The following CHRNA7 variants were observed in gnomAD, a reference collection of about 807,000 sequenced individuals.
CHRNA7 encodes cholinergic receptor nicotinic alpha 7 subunit.
A neutral mutation model predicts 48.0 loss-of-function variants in CHRNA7; 17 were observed. The ratio of observed to expected loss-of-function variants is 0.35; its 90% CI spans 0.24 to 0.53. CHRNA7 has a LOEUF of 0.53. Ranked by LOEUF, CHRNA7 falls within the 20% of genes least tolerant of loss-of-function variation. The pLI is 0.92. For missense variants in CHRNA7, 155 were observed against 577.7 expected (o/e 0.27, Z 7.50); for synonymous variants, 75 against 242.3 (o/e 0.31, Z 6.41).
At chr15:32,037,869 A>C (rs1902167957) in intron 2 of CHRNA7, among the ~76,000 whole-genome samples, 1 of 151,244 alleles carries the variant, frequency 6.6e-6, no homozygotes. Context: ...AGACAGCTTT[A>C]TTTCTTTTTT....
chr15:32,150,595 TA>T (rs983713514), intron 4 of CHRNA7, among the ~76,000 whole-genome samples: 1 of 152,200 alleles, frequency 6.6e-6, no homozygotes, highest in African/African-American at 2.4e-5. Context: ...ACAGGACACA[TA>T]AATTAACACA....
intron 2 of CHRNA7, among the ~76,000 whole-genome samples, chr15:32,081,427 C>G (rs1414087639): frequency 6.6e-6 from 1 of 151,718 alleles, no homozygotes; most frequent in South Asian, 2.1e-4. Flanking sequence ...TATATTTTAC[C>G]TGCTTTCCTA....
chr15:32,048,835 C>A (rs1306540227), intron 2 of CHRNA7, among the ~76,000 whole-genome samples: 1 of 151,672 alleles, frequency 6.6e-6, no homozygotes, highest in Admixed American at 6.6e-5. Context: ...GTAGACACTG[C>A]TTTGAATGCA....
At chr15:32,095,984 T>C (rs887426220) in intron 2 of CHRNA7, among the ~76,000 whole-genome samples, 1 of 152,220 alleles carries the variant, frequency 6.6e-6, no homozygotes, top group African/African-American at 2.4e-5. Context: ...AGGAGCTTGT[T>C]TGTTTCATAA....
intron 2 of CHRNA7, among the ~76,000 whole-genome samples, chr15:32,076,505 G>A (rs547402693): frequency 1.2e-3 from 179 of 152,134 alleles, no homozygotes; most frequent in African/African-American, 4.3e-3. Context: ...TTTACATGCT[G>A]TATTTTGTTC....
chr15:32,030,635 C>T lies in CHRNA7; in HGVS notation c.41C>T (p.Ala14Val), dbSNP rs1454906241. The T allele has an allele frequency of 1.3e-6, 2 of 1,572,436 alleles. No individual in the cohort carries two copies. Among genetic ancestry groups the T allele is most frequent in the Non-Finnish European group, 1.7e-6 (2 of 1,164,550 alleles). The change falls in exon 1 of 10, where the codon GCG (alanine) becomes GTG (valine). Residue 14 changes from alanine to valine, a missense_variant. Transcript: ENST00000306901. ...SPGGVWLALAASLLHVSLQGE... is the reference protein window; with the variant it reads ...SPGGVWLALAVSLLHVSLQGE... Reference sequence around the variant, plus strand: ...GGAGGCGTCTGGCTGGCGCTGGCCGCGTCGCTCCTGCACGGTAAAGCCACT... The same window carrying T: ...GGAGGCGTCTGGCTGGCGCTGGCCGTGTCGCTCCTGCACGGTAAAGCCACT...
chr15:32,162,002 G>A (rs896324302), intron 8 of CHRNA7: 1 of 116,432 alleles, frequency 8.6e-6, no homozygotes, highest in Admixed American at 8.8e-5. Flanking sequence ...GTAAACTCAG[G>A]GAAACATTTT....
chr15:32,119,201 G>T (rs567982472), intron 4 of CHRNA7, among the ~76,000 whole-genome samples: 8 of 152,132 alleles, frequency 5.3e-5, no homozygotes, highest in Admixed American at 6.5e-5. Context: ...GTGTTTTGCT[G>T]GTGGACCAAT....
chr15:32,089,726 CTGT>C (rs1300676470), intron 2 of CHRNA7, among the ~76,000 whole-genome samples: 3 of 152,258 alleles, frequency 2.0e-5, no homozygotes, highest in South Asian at 2.1e-4. Context: ...TCTCTGCAGA[CTGT>C]TTTTTCTTGT....
intron 2 of CHRNA7, among the ~76,000 whole-genome samples, chr15:32,082,244 C>A (rs973348252): frequency 2.0e-5 from 3 of 151,862 alleles, no homozygotes; most frequent in African/African-American, 7.3e-5. Flanking sequence ...AGATCTGTGT[C>A]TTTTATCAAA....
At chr15:32,142,833 C>T (rs780850704) in intron 4 of CHRNA7, among the ~76,000 whole-genome samples, 19 of 151,934 alleles carry the variant, frequency 1.3e-4, no homozygotes, top group East Asian at 3.9e-4. Flanking sequence ...GTCTTGCTAG[C>T]GGTCTGTCTA....
At chr15:32,114,046 A>ATATATG (rs2050815991) in intron 4 of CHRNA7, among the ~76,000 whole-genome samples, 1 of 44,750 alleles carries the variant, frequency 2.2e-5, no homozygotes, top group Non-Finnish European at 4.5e-5. Flanking sequence ...ATATATATGT[A>ATATATG]TATATATATA....
At chr15:32,128,820 C>G (rs1164660038) in intron 4 of CHRNA7, among the ~76,000 whole-genome samples, 3 of 151,808 alleles carry the variant, frequency 2.0e-5, no homozygotes, top group African/African-American at 7.2e-5. Context: ...AAGTGAACAA[C>G]TTTATCTTGT....
intron 2 of CHRNA7, among the ~76,000 whole-genome samples, chr15:32,063,098 T>C (rs2049905885): frequency 6.6e-6 from 1 of 152,204 alleles, no homozygotes; most frequent in Non-Finnish European, 1.5e-5. Context: ...ACAGGGTAGT[T>C]ACCGTGAGTG....
chr15:32,076,424 G>A (rs1199251378), intron 2 of CHRNA7, among the ~76,000 whole-genome samples: 1 of 152,068 alleles, frequency 6.6e-6, no homozygotes, highest in African/African-American at 2.4e-5. Flanking sequence ...CCCTATCTAT[G>A]GTAATTTTCT....
chr15:32,072,863 A>G (rs2050079741), intron 2 of CHRNA7, among the ~76,000 whole-genome samples: 1 of 152,200 alleles, frequency 6.6e-6, no homozygotes, highest in Non-Finnish European at 1.5e-5. Flanking sequence ...CAGAGGATGT[A>G]TGGAAAACAC....
chr15:32,103,378 A>G (rs2050605365), intron 3 of CHRNA7: 1 of 149,822 alleles, frequency 6.7e-6, no homozygotes, highest in Non-Finnish European at 1.5e-5. Context: ...CCACTGCACT[A>G]CAGCCTGGGG....
At chr15:32,085,617 A>G (rs1013908475) in intron 2 of CHRNA7, among the ~76,000 whole-genome samples, 12 of 152,244 alleles carry the variant, frequency 7.9e-5, no homozygotes, top group Non-Finnish European at 2.9e-5. Context: ...GTTTGTATTT[A>G]AAAGTATTTT....
At chr15:32,081,277 C>T (rs1008334911) in intron 2 of CHRNA7, among the ~76,000 whole-genome samples, 11 of 151,242 alleles carry the variant, frequency 7.3e-5, no homozygotes, top group East Asian at 1.9e-4. Flanking sequence ...ACATGTATCC[C>T]GAAACTTAAA....
Sources: allele counts gnomAD v4.1 joint callset (sites outside exome capture counted in the v4.1 genomes callset), GRCh38; gene constraint gnomAD v4.1.1; transcripts MANE v1.5; gene names NCBI Gene and HGNC (gene_info 2026-07-23, HGNC 2026-07-21).